CPQ: variants seen among roughly 807,000 people sequenced by gnomAD.
The protein encoded by CPQ is Ser-Met dipeptidase.
CPQ carries 37 observed loss-of-function variants against 45.7 expected under a neutral mutation model. That is an observed-to-expected ratio of 0.81 (90% CI 0.62 to 1.07). The LOEUF is 1.07. Among genes scored for constraint, CPQ ranks in the 50% least tolerant of loss-of-function variants. The pLI is 0.00. For synonymous variants in CPQ, 186 were observed against 205.8 expected, an observed-to-expected ratio of 0.90 and a Z score of 0.82; for missense variants, 537 against 572.9, an observed-to-expected ratio of 0.94 and a Z score of 0.64.
In CPQ at chr8:96,650,943, G is replaced by A. The variant is rs535579312; in HGVS notation, c.-35+5541G>A. On this transcript the variant is annotated intron_variant, in intron 1 of 7. Coordinates refer to ENST00000220763, the MANE Select transcript of CPQ (RefSeq NM_016134.4). ...TAAAATGAACAATCAGTCACTCCTT[G>A]ATATATTATCTGAATAAATCCAGAT... is the stretch of plus-strand genomic sequence containing the variant. Among the ~76,000 whole-genome samples the A allele has an allele frequency of 9.8e-5, 15 of 152,298 alleles. No individual in the cohort carries two copies. In the South Asian group the frequency reaches 1.2e-3, roughly 13 times the overall value.
intron 2 of CPQ, among the ~76,000 whole-genome samples, chr8:96,815,106 C>T (rs988953489): frequency 1.3e-5 from 2 of 151,966 alleles, no homozygotes; most frequent in African/African-American, 2.4e-5. Flanking sequence ...GTGATGGCTG[C>T]ATAACTCTGT....
intron 4 of CPQ, among the ~76,000 whole-genome samples, chr8:96,934,685 C>A (rs1563532780): frequency 6.6e-6 from 1 of 152,146 alleles, no homozygotes; most frequent in Non-Finnish European, 1.5e-5. Flanking sequence ...CACTCCCACC[C>A]CACTTTGCAA....
intron 7 of CPQ, among the ~76,000 whole-genome samples, chr8:97,087,215 C>T (rs1009230245): frequency 9.2e-5 from 14 of 152,130 alleles, no homozygotes; most frequent in African/African-American, 3.1e-4. Context: ...GCATTCTGTG[C>T]GAAAGACTGG....
chr8:96,889,362 T>C (rs559392933), intron 4 of CPQ, among the ~76,000 whole-genome samples: 1 of 152,192 alleles, frequency 6.6e-6, no homozygotes, highest in Admixed American at 6.5e-5. Flanking sequence ...TGGCAGGAGT[T>C]GTTGAAGTTT....
At chr8:96,978,461 G>A (rs1459522196) in intron 5 of CPQ, among the ~76,000 whole-genome samples, 1 of 152,166 alleles carries the variant, frequency 6.6e-6, no homozygotes, top group Non-Finnish European at 1.5e-5. Flanking sequence ...CATGAATATT[G>A]CTGTTGTTAT....
At chr8:96,729,754 C>G (rs1809886401) in intron 1 of CPQ, among the ~76,000 whole-genome samples, 1 of 152,136 alleles carries the variant, frequency 6.6e-6, no homozygotes. Context: ...TCCTGTAGTA[C>G]TGCAAATTCA....
intron 5 of CPQ, among the ~76,000 whole-genome samples, chr8:97,026,523 C>T (rs72664545): frequency 0.096 from 14,562 of 152,154 alleles, 898 homozygotes; most frequent in Non-Finnish European, 0.14. Context: ...TGAAACCTCA[C>T]GCATTTCTCT....
At chr8:97,124,824 A>T (rs1003295031) in intron 7 of CPQ, among the ~76,000 whole-genome samples, 3 of 152,210 alleles carry the variant, frequency 2.0e-5, no homozygotes, top group Non-Finnish European at 4.4e-5. Flanking sequence ...TTAGAAAAGA[A>T]GAAAGTTCTA....
At chr8:97,130,842 A>G (rs141744384) in intron 7 of CPQ, among the ~76,000 whole-genome samples, 27 of 152,174 alleles carry the variant, frequency 1.8e-4, no homozygotes, top group Admixed American at 1.1e-3. Context: ...TGGTTTGCCT[A>G]TTCATTCCCT....
chr8:96,674,399 A>G lies in CPQ; in HGVS notation c.-35+28997A>G, dbSNP rs146713949. ...GAATAGCATAGTTTGGTAGTCTCTA[A>G]TGTGTGAGACTTCATGACTTAAGTA... On this transcript the variant is annotated intron_variant, in intron 1 of 7. Coordinates refer to ENST00000220763, the MANE Select transcript of CPQ (RefSeq NM_016134.4). 2.1e-3 allele frequency among the ~76,000 whole-genome samples: 318 copies of G among 152,288 alleles called. 2 individuals carry two copies. The highest frequency in any genetic ancestry group is 2.9e-3 in the Non-Finnish European group (198 of 68,012).
At chr8:96,961,562 C>A (rs1053182862) in intron 4 of CPQ, among the ~76,000 whole-genome samples, 8 of 152,280 alleles carry the variant, frequency 5.3e-5, no homozygotes, top group African/African-American at 1.9e-4. Flanking sequence ...TAAATTTATA[C>A]ATCTACTATT....
Position 96,779,670 on chromosome 8 carries a change from A to C in CPQ, c.-34-5194A>C, listed in dbSNP as rs555574017. On this transcript the variant is annotated intron_variant, in intron 1 of 7. Transcript: ENST00000220763. ...GAAATGTATTGTGAAATAGTTAATTAATGTTTGCAGAATGCTTAGAGAACT... is the reference window on the plus strand; with the variant it reads ...GAAATGTATTGTGAAATAGTTAATTCATGTTTGCAGAATGCTTAGAGAACT... Among the ~76,000 whole-genome samples the C allele has an allele frequency of 2.6e-5, 4 of 152,296 alleles. No individual in the cohort carries two copies. The South Asian group carries it at 8.3e-4, about 32-fold the overall frequency.
chr8:96,998,534 G>C (rs1004071000), intron 5 of CPQ, among the ~76,000 whole-genome samples: 1 of 152,004 alleles, frequency 6.6e-6, no homozygotes, highest in African/African-American at 2.4e-5. Flanking sequence ...GAAAATTGCT[G>C]AACAGTTTCT....
At chr8:97,012,515 C>T (rs896017418) in intron 5 of CPQ, among the ~76,000 whole-genome samples, 43 of 152,176 alleles carry the variant, frequency 2.8e-4, no homozygotes, top group African/African-American at 1.0e-3. Context: ...TTCCCACACT[C>T]AGCACATAAC....
intron 5 of CPQ, among the ~76,000 whole-genome samples, chr8:96,985,111 A>G (rs2130394420): frequency 6.6e-6 from 1 of 152,100 alleles, no homozygotes; most frequent in East Asian, 1.9e-4. Flanking sequence ...GGAAGATATT[A>G]TTTTATTTTT....
chr8:97,052,196 A>C lies in CPQ; in HGVS notation c.1054-13813A>C, dbSNP rs150832823. On this transcript the variant is annotated intron_variant, in intron 6 of 7. Coordinates refer to ENST00000220763, the MANE Select transcript of CPQ (RefSeq NM_016134.4). The stretch of plus-strand genomic sequence containing the variant: ...CTTATTACTATTCTCAGATGAAGGA[A>C]ATTGTTTTTCTTCACCTCCCTTAGT... Among the ~76,000 whole-genome samples the C allele has an allele frequency of 6.4e-3, 973 of 152,266 alleles. 4 individuals are homozygous for C. Among genetic ancestry groups the C allele is most frequent in the African/African-American group, 0.022 (896 of 41,550 alleles).
chr8:97,132,611 C>A (rs1441655937), intron 7 of CPQ, among the ~76,000 whole-genome samples: 1 of 152,140 alleles, frequency 6.6e-6, no homozygotes, highest in Non-Finnish European at 1.5e-5. Context: ...TCCATTTGAA[C>A]ATGATTATAC....
Position 96,681,241 on chromosome 8 carries a change from C to T in CPQ, c.-35+35839C>T, listed in dbSNP as rs560512144. On this transcript the variant is annotated intron_variant, in intron 1 of 7. Coordinates refer to ENST00000220763, the MANE Select transcript of CPQ (RefSeq NM_016134.4). ...CAGGTCAGAAGTCTTCATGGTAGCC[C>T]CTCCCATCACAGGACCAGAGGCCTA... Among the ~76,000 whole-genome samples the T allele has an allele frequency of 6.6e-5, 10 of 152,284 alleles. No individual in the cohort carries two copies. In the East Asian group the frequency reaches 1.9e-3, roughly 29 times the overall value.
intron 1 of CPQ, among the ~76,000 whole-genome samples, chr8:96,769,163 G>A (rs1023379822): frequency 1.3e-5 from 2 of 152,120 alleles, no homozygotes; most frequent in Non-Finnish European, 2.9e-5. Flanking sequence ...TTGCCAGATC[G>A]AAGACAAATG....
Sources: allele counts gnomAD v4.1 joint callset (sites outside exome capture counted in the v4.1 genomes callset), GRCh38; gene constraint gnomAD v4.1.1; transcripts MANE v1.5; gene names NCBI Gene and HGNC (gene_info 2026-07-23, HGNC 2026-07-21).